SND1: variants seen among roughly 807,000 people sequenced by gnomAD.
SND1 encodes staphylococcal nuclease domain-containing protein 1.
A neutral mutation model predicts 121.7 loss-of-function variants in SND1; 38 were observed. The observed-to-expected ratio is 0.31, with a 90% CI of 0.24 to 0.41. SND1 has a LOEUF of 0.41. Among genes scored for constraint, SND1 ranks in the 10% least tolerant of loss-of-function variants. The pLI is 1.00. For synonymous variants in SND1, 401 were observed against 447.4 expected (o/e 0.90, Z 1.31); for missense variants, 868 against 1,184.6 (o/e 0.73, Z 3.92).
intron 9 of SND1, among the ~76,000 whole-genome samples, chr7:127,713,627 AC>A (rs1218365871): frequency 2.6e-5 from 4 of 152,224 alleles, no homozygotes; most frequent in East Asian, 1.9e-4. Context: ...GCAAAGGGTA[AC>A]CTATGGCCTC....
chr7:127,898,573 A>G (rs1431842250), intron 13 of SND1, among the ~76,000 whole-genome samples: 1 of 152,170 alleles, frequency 6.6e-6, no homozygotes, highest in African/African-American at 2.4e-5. Flanking sequence ...GAAAAACCAT[A>G]TTCCTCAATG....
intron 12 of SND1, among the ~76,000 whole-genome samples, chr7:127,851,438 C>G (rs1260955707): frequency 6.6e-6 from 1 of 151,910 alleles, no homozygotes; most frequent in Admixed American, 6.5e-5. Flanking sequence ...TGCTTTTTTT[C>G]TTCTATATTC....
chr7:127,938,584 C>T (rs149722650), intron 15 of SND1, among the ~76,000 whole-genome samples: 541 of 152,302 alleles, frequency 3.6e-3, no homozygotes, highest in Non-Finnish European at 6.3e-3. Flanking sequence ...TTTGATTCAT[C>T]TAGGCAGAAG....
intron 15 of SND1, among the ~76,000 whole-genome samples, chr7:127,954,398 A>G (rs1169994247): frequency 6.6e-6 from 1 of 151,810 alleles, no homozygotes; most frequent in African/African-American, 2.4e-5. Flanking sequence ...TCCCTCCCCC[A>G]TTTTTGCTTG....
intron 16 of SND1, among the ~76,000 whole-genome samples, chr7:128,062,612 TCAAA>T (rs1333533099): frequency 1.3e-5 from 2 of 152,320 alleles, no homozygotes; most frequent in African/African-American, 4.8e-5. Context: ...AGTTATCTGT[TCAAA>T]CAGATTCTTC....
intron 16 of SND1, among the ~76,000 whole-genome samples, chr7:128,020,115 T>C (rs558334111): frequency 1.3e-5 from 2 of 152,306 alleles, no homozygotes; most frequent in African/African-American, 4.8e-5. Context: ...ATGCCCCTTT[T>C]GGTTTATTAG....
At chr7:127,919,166 T>C (rs1337025531) in intron 14 of SND1, among the ~76,000 whole-genome samples, 1 of 152,206 alleles carries the variant, frequency 6.6e-6, no homozygotes, top group Admixed American at 6.5e-5. Flanking sequence ...AAAGTACTTT[T>C]AGGAAGTATG....
chr7:127,974,304 C>T (rs1185540743), intron 15 of SND1, among the ~76,000 whole-genome samples: 3 of 152,188 alleles, frequency 2.0e-5, no homozygotes, highest in Admixed American at 1.3e-4. Flanking sequence ...TATAAATGCC[C>T]GTTATCTCCA....
At chr7:127,663,892 T>C (rs1795363012) in intron 1 of SND1, among the ~76,000 whole-genome samples, 2 of 152,228 alleles carry the variant, frequency 1.3e-5, no homozygotes, top group South Asian at 4.1e-4. Flanking sequence ...CTGACTTTTT[T>C]CCTATTTGCT....
chr7:128,052,800 A>G lies in SND1; in HGVS notation c.1780-21702A>G, dbSNP rs1646239773. 6.6e-6 allele frequency among the ~76,000 whole-genome samples: 1 copy of G among 152,200 alleles called. No individual in the cohort carries two copies. The highest frequency in any genetic ancestry group is 2.4e-5 in the African/African-American group (1 of 41,454). On this transcript the variant is annotated intron_variant, in intron 16 of 23. Transcript: ENST00000354725. This position sits in a 1 kb window ranked among gnomAD's most constrained non-coding sequence, Gnocchi z 4.6. ...CCTGAAAATCATTCCCTCGGATTTC[A>G]GTGTTACTTCGATGGGTCCCTTGGG...
chr7:127,779,965 G>A (rs1454309715), intron 10 of SND1, among the ~76,000 whole-genome samples: 1 of 152,102 alleles, frequency 6.6e-6, no homozygotes, highest in African/African-American at 2.4e-5. Context: ...GTTTTATGGC[G>A]TTGTTTTTCT....
intron 15 of SND1, among the ~76,000 whole-genome samples, chr7:127,933,942 A>AAG (rs1414181087): frequency 1.3e-5 from 2 of 152,188 alleles, no homozygotes; most frequent in Non-Finnish European, 2.9e-5. Flanking sequence ...CCCCATCCCA[A>AAG]AGAATACACA....
chr7:127,691,139 T>C (rs898134392), intron 2 of SND1, among the ~76,000 whole-genome samples: 1 of 152,076 alleles, frequency 6.6e-6, no homozygotes, highest in Admixed American at 6.6e-5. Context: ...ATGAGAAATA[T>C]AGAAATGAGT....
At chr7:128,017,691 AG>A (rs911439947) in intron 16 of SND1, among the ~76,000 whole-genome samples, 20 of 152,222 alleles carry the variant, frequency 1.3e-4, no homozygotes, top group Non-Finnish European at 2.8e-4. Flanking sequence ...CCACTCGGGG[AG>A]GGGGGGCAAA....
intron 21 of SND1, 128 bp downstream of exon 21, chr7:128,087,179 T>C: frequency 1.4e-6 from 1 of 711,334 alleles, no homozygotes. Flanking sequence ...ACTCAAGAGA[T>C]GGGAAGTTGA....
At chr7:127,664,914 AAAAC>A (rs1420659797) in intron 1 of SND1, among the ~76,000 whole-genome samples, 1 of 152,232 alleles carries the variant, frequency 6.6e-6, no homozygotes, top group East Asian at 1.9e-4. Flanking sequence ...CTGTAGAAGA[AAAAC>A]AAAAACAATT....
intron 12 of SND1, among the ~76,000 whole-genome samples, chr7:127,875,284 T>C (rs902709037): frequency 6.6e-6 from 1 of 152,152 alleles, no homozygotes; most frequent in African/African-American, 2.4e-5. Context: ...AGTGTTTTGC[T>C]CTTCTTGGAT....
intron 4 of SND1, among the ~76,000 whole-genome samples, chr7:127,700,082 C>A (rs568142699): frequency 4.0e-4 from 61 of 152,302 alleles, no homozygotes; most frequent in Admixed American, 9.2e-4. Flanking sequence ...AGGACAATTA[C>A]TGGCTTGATT....
At chr7:127,949,005 AG>A (rs1262966944) in intron 15 of SND1, 3 of 152,258 alleles carry the variant, frequency 2.0e-5, no homozygotes, top group Non-Finnish European at 4.4e-5. Context: ...TGGTATATTA[AG>A]GGTTCACCTT....
Sources: allele counts gnomAD v4.1 joint callset (sites outside exome capture counted in the v4.1 genomes callset), GRCh38; gene constraint gnomAD v4.1.1; non-coding constraint Gnocchi (gnomAD v3.1); transcripts MANE v1.5; gene names NCBI Gene and HGNC (gene_info 2026-07-23, HGNC 2026-07-21).